The following MYO9B variants were observed in gnomAD, a reference collection of about 807,000 sequenced individuals.
The protein encoded by MYO9B is unconventional myosin-IXb.
MYO9B carries 71 observed loss-of-function variants against 229.5 expected under a neutral mutation model. That is an observed-to-expected ratio of 0.31 (90% CI 0.26 to 0.38). MYO9B has a LOEUF of 0.38. MYO9B is among the 10% of genes least tolerant of loss of function. The pLI is 1.00. For synonymous variants in MYO9B, 1,185 were observed against 1,235.8 expected (o/e 0.96, Z 0.86); for missense variants, 2,255 against 2,920.5 (o/e 0.77, Z 5.25).
At chr19:17,133,752 C>A (rs61362455) in intron 2 of MYO9B, among the ~76,000 whole-genome samples, 25,634 of 149,344 alleles carry the variant, frequency 0.17, 2,321 homozygotes, top group East Asian at 0.29. Context: ...CAGCACCAGC[C>A]CTACTTTCCT....
intron 2 of MYO9B, among the ~76,000 whole-genome samples, chr19:17,130,867 C>G (rs1372522862): frequency 6.6e-6 from 1 of 152,094 alleles, no homozygotes; most frequent in Non-Finnish European, 1.5e-5. Flanking sequence ...GAACATTAGA[C>G]TCCTGAACCT....
At chr19:17,164,949 C>G (rs2072642817) in intron 10 of MYO9B, among the ~76,000 whole-genome samples, 1 of 152,156 alleles carries the variant, frequency 6.6e-6, no homozygotes, top group African/African-American at 2.4e-5. Context: ...ACTGCAGCCT[C>G]AAACGCTGAG....
At chr19:17,080,987 T>C (rs915506466) in intron 1 of MYO9B, among the ~76,000 whole-genome samples, 4 of 152,170 alleles carry the variant, frequency 2.6e-5, no homozygotes, top group African/African-American at 9.7e-5. Flanking sequence ...CCCATAATAC[T>C]GAGAAAAGGA....
rs774632063 is a variant in MYO9B, at chr19:17,206,745, A to G, written c.5453A>G (p.Asn1818Ser). 2.5e-6 allele frequency: 4 copies of G among 1,592,252 alleles called. No individual in the cohort carries two copies. In the South Asian group the frequency reaches 4.6e-5, roughly 18 times the overall value. ...GTCCTGGAGCACCTTCCAGAAGCCA[A>G]CCACAACTCCCTGGAGAGACTCATC... ...YAVLEHLPEA[N>S]HNSLERLIFH... Residue 1818 changes from asparagine (N) to serine (S), a missense_variant, in exon 34 of 40, where the codon AAC becomes AGC. Asn to Ser is a conservative substitution (Grantham distance 46). Around this residue, in one of 7 missense-constraint regions of MYO9B, gnomAD observed 416 missense variants for 605.5 expected, o/e 0.69. Coordinates refer to ENST00000682292, the MANE Select transcript of MYO9B (RefSeq NM_004145.4).
intron 2 of MYO9B, among the ~76,000 whole-genome samples, chr19:17,138,447 T>C (rs1599361138): frequency 6.6e-6 from 1 of 152,154 alleles, no homozygotes; most frequent in Non-Finnish European, 1.5e-5. Flanking sequence ...CTGGCTAATT[T>C]TTTAAATTTT....
chr19:17,129,184 G>C (rs1450550022), intron 2 of MYO9B, among the ~76,000 whole-genome samples: 1 of 152,148 alleles, frequency 6.6e-6, no homozygotes, highest in Non-Finnish European at 1.5e-5. Context: ...TGGATTGCCT[G>C]AGCTCAGGAG....
At chr19:17,174,093 C>T (rs1423892186) in intron 13 of MYO9B, among the ~76,000 whole-genome samples, 7 of 138,282 alleles carry the variant, frequency 5.1e-5, no homozygotes, top group East Asian at 2.2e-4. Flanking sequence ...TGCAGTGGCG[C>T]GATCTCGGCT....
intron 2 of MYO9B, among the ~76,000 whole-genome samples, chr19:17,115,332 C>T (rs943423522): frequency 6.6e-6 from 1 of 152,150 alleles, no homozygotes; most frequent in Non-Finnish European, 1.5e-5. Flanking sequence ...GCACCCGAGA[C>T]ACTGCATGGC....
intron 30 of MYO9B, 56 bp downstream of exon 30, chr19:17,203,314 C>A: frequency 7.3e-7 from 1 of 1,375,618 alleles, no homozygotes; most frequent in Non-Finnish European, 1.0e-6. Flanking sequence ...CCACCCCTCA[C>A]TGCTCAAGAG....
At chr19:17,145,344 GAAAA>G (rs545997173) in intron 2 of MYO9B, 49 bp from the exon 3 acceptor site, 1 of 1,490,016 alleles carries the variant, frequency 6.7e-7, no homozygotes, top group Non-Finnish European at 9.3e-7. Context: ...GGAAAAAAAA[GAAAA>G]AGAAATTCCA....
chr19:17,145,616 G>A (rs2072399720), intron 3 of MYO9B, 125 bp downstream of exon 3: 1 of 854,874 alleles, frequency 1.2e-6, no homozygotes, highest in Admixed American at 2.3e-5. Flanking sequence ...GTATGGGAGA[G>A]CGAGTGTGAT....
Position 17,172,888 on chromosome 19 carries a change from C to G in MYO9B, c.2065C>G (p.Arg689Gly). 1 of 1,603,980 alleles carries G rather than the reference C, an allele frequency of 6.2e-7. No homozygotes were observed. The highest frequency in any genetic ancestry group is 8.5e-7 in the Non-Finnish European group (1 of 1,179,742). ...GGCCGTGTTCCGCTGGGCCGTGCTCCGGGCTGCTATCCGGGCCATGGCAGT... is the reference window on the plus strand; with the variant it reads ...GGCCGTGTTCCGCTGGGCCGTGCTCGGGGCTGCTATCCGGGCCATGGCAGT... ...PVAVFRWAVL[R>G]AAIRAMAVLR... The change falls in exon 13 of 40, where the codon CGG becomes GGG. Residue 689 changes from arginine to glycine, a missense_variant. Physicochemically the swap from Arg to Gly is moderately radical, Grantham distance 125. Transcript: ENST00000682292. The surrounding 1 kb of genome is among the most constrained non-coding windows in gnomAD (Gnocchi z 8.2).
At position 17,193,003 on chromosome 19, in the gene MYO9B, C is replaced by T. The variant is rs774404742; in HGVS notation, c.3069C>T (p.His1023=). The T allele has an allele frequency of 2.0e-6, 3 of 1,504,208 alleles. No homozygotes were observed. Among genetic ancestry groups the T allele is most frequent in the South Asian group, 1.3e-5 (1 of 79,288 alleles). The allele number at this position is 1,504,208 out of a possible 1,614,324, so 93.2% of individuals were successfully genotyped here. A position where few individuals can be genotyped will look rare whatever the true frequency, so the allele number is the denominator to read the frequency against. Residue 1023 remains histidine (H), a synonymous_variant, in exon 21 of 40, where the codon CAC becomes CAT. Coordinates refer to ENST00000682292, the MANE Select transcript of MYO9B (RefSeq NM_004145.4). This position sits in a 1 kb window ranked among gnomAD's most constrained non-coding sequence, Gnocchi z 4.3. Reference sequence around the variant, plus strand: ...ACTGGCAGCGGAAGCTCTACCGGCACCAGAAACAGAGCATCATCCGCCTGC... The same window carrying T: ...ACTGGCAGCGGAAGCTCTACCGGCATCAGAAACAGAGCATCATCCGCCTGC... The part of the protein sequence containing the change: ...RGYWQRKLYR[H]QKQSIIRLQS...
chr19:17,196,163 T>TGGGG (rs1360230458), intron 22 of MYO9B, among the ~76,000 whole-genome samples: 6 of 70,184 alleles, frequency 8.5e-5, no homozygotes, highest in African/African-American at 1.1e-4. Flanking sequence ...GGTGGGTGGG[T>TGGGG]GGATGGATGG....
At chr19:17,201,822 A>T (rs2073109077) in intron 26 of MYO9B, 104 bp from the exon 27 acceptor site, 1 of 785,100 alleles carries the variant, frequency 1.3e-6, no homozygotes, top group Non-Finnish European at 2.1e-6. Context: ...CCGAGAGCCT[A>T]GGGGATGACT....
At chr19:17,093,466 C>CT (rs1183777733) in intron 1 of MYO9B, among the ~76,000 whole-genome samples, 2 of 152,196 alleles carry the variant, frequency 1.3e-5, no homozygotes, top group African/African-American at 4.8e-5. Flanking sequence ...ATGATTAACT[C>CT]TCGTGGCGTC....
chr19:17,156,810 A>G, intron 6 of MYO9B, 99 bp from the exon 7 acceptor site: 3 of 1,396,140 alleles, frequency 2.1e-6, no homozygotes, highest in Non-Finnish European at 2.9e-6. Context: ...TTCCGACCAG[A>G]ATTTGCTGGT....
At chr19:17,147,958 A>T (rs1288927131) in intron 3 of MYO9B, among the ~76,000 whole-genome samples, 1 of 152,044 alleles carries the variant, frequency 6.6e-6, no homozygotes, top group African/African-American at 2.4e-5. Flanking sequence ...TTGGGATTAC[A>T]GGCGTGAGCC....
chr19:17,087,601 C>A (rs1306493982), intron 1 of MYO9B, among the ~76,000 whole-genome samples: 2 of 152,124 alleles, frequency 1.3e-5, no homozygotes, highest in East Asian at 3.9e-4. Flanking sequence ...TAACTAAGTA[C>A]CTATCCTGGG....
Sources: gnomAD v4.1 joint callset for allele counts (sites outside exome capture counted in the v4.1 genomes callset) on GRCh38, gnomAD v4.1.1 for gene constraint, gnomAD v4.1.1 regional missense constraint, Gnocchi (gnomAD v3.1) non-coding constraint, MANE v1.5 for transcripts, NCBI Gene and HGNC (gene_info 2026-07-23, HGNC 2026-07-21) for gene names.